SDK1: variants seen among roughly 807,000 people sequenced by gnomAD.
SDK1 encodes the protein sidekick cell adhesion molecule 1.
In SDK1, 157 loss-of-function variants were observed where a neutral mutation model predicts 245.5. That is an observed-to-expected ratio of 0.64 (90% CI 0.56 to 0.73). SDK1 has a LOEUF of 0.73. Among genes scored for constraint, SDK1 ranks in the 30% least tolerant of loss-of-function variants. The pLI, the probability that SDK1 is intolerant of heterozygous loss-of-function variation, is 0.00. For synonymous variants in SDK1, 1,647 were observed against 1,278.5 expected, an observed-to-expected ratio of 1.29 and a Z score of -6.15; for missense variants, 3,583 against 3,002.3, an observed-to-expected ratio of 1.19 and a Z score of -4.52.
chr7:3,652,142 C>T (rs1783030986), intron 4 of SDK1, among the ~76,000 whole-genome samples: 1 of 152,172 alleles, frequency 6.6e-6, no homozygotes, highest in South Asian at 2.1e-4. Context: ...GTGGAGACAG[C>T]AAGTTGAGAC....
chr7:3,855,093 G>T (rs117179178), intron 5 of SDK1, among the ~76,000 whole-genome samples: 1 of 151,992 alleles, frequency 6.6e-6, no homozygotes, highest in Non-Finnish European at 1.5e-5. Flanking sequence ...CTAAGAGAGA[G>T]GTCACTTTTC....
Position 4,210,170 on chromosome 7 carries a change from C to T in SDK1, c.5539+8C>T, listed in dbSNP as rs1238381859. The T allele has an allele frequency of 1.9e-6, 3 of 1,545,632 alleles. No homozygotes were observed. In the African/African-American group the frequency reaches 4.2e-5, roughly 21 times the overall value. On this transcript the variant is annotated splice_region_variant and intron_variant, in intron 38 of 44. Coordinates refer to ENST00000404826, the MANE Select transcript of SDK1 (RefSeq NM_152744.4). ...CCTTGGCCCCTGTACAAGGTAAGAC[C>T]CGGGGTTGGGGAGATGGGAGCGCGG...
At chr7:3,471,560 T>C (rs765921030) in intron 1 of SDK1, among the ~76,000 whole-genome samples, 1 of 152,150 alleles carries the variant, frequency 6.6e-6, no homozygotes, top group Admixed American at 6.5e-5. Context: ...CTTCACACCA[T>C]TTAGACGCAA....
At chr7:3,817,570 C>T (rs759559621) in intron 4 of SDK1, among the ~76,000 whole-genome samples, 9 of 152,124 alleles carry the variant, frequency 5.9e-5, no homozygotes, top group East Asian at 1.9e-4. Context: ...TCCAGGATTC[C>T]GACGTCAGTA....
At position 4,242,123 on chromosome 7, in the gene SDK1, G is replaced by A. The variant is rs74374523; in HGVS notation, c.6251+210G>A. Among the ~76,000 whole-genome samples the A allele has an allele frequency of 5.3e-3, 809 of 152,276 alleles. 3 individuals carry two copies. The highest frequency in any genetic ancestry group is 0.018 in the African/African-American group (768 of 41,572). ...GCAGAGCGGCTGGAAATATTTTCAG[G>A]ACATCTCCGGAGATTTAGAAAGAGG... On this transcript the variant is annotated intron_variant, in intron 43 of 44. Transcript: ENST00000404826.
chr7:3,361,098 A>C (rs1780939461), intron 1 of SDK1, among the ~76,000 whole-genome samples: 1 of 152,202 alleles, frequency 6.6e-6, no homozygotes, highest in African/African-American at 2.4e-5. Context: ...AATCATCTTA[A>C]ACACATACTA....
At chr7:3,900,745 C>G (rs1333710853) in intron 5 of SDK1, among the ~76,000 whole-genome samples, 1 of 151,992 alleles carries the variant, frequency 6.6e-6, no homozygotes, top group African/African-American at 2.4e-5. Context: ...CATTTCCCTC[C>G]CCTCTTTCCC....
intron 5 of SDK1, among the ~76,000 whole-genome samples, chr7:3,949,295 A>G (rs1209339817): frequency 2.0e-5 from 3 of 152,244 alleles, no homozygotes; most frequent in East Asian, 3.8e-4. Context: ...CTCTGTCTGC[A>G]TCAGGCTTCT....
chr7:4,149,674 G>A (rs1325866761), intron 30 of SDK1, among the ~76,000 whole-genome samples: 7 of 152,266 alleles, frequency 4.6e-5, no homozygotes, highest in East Asian at 1.9e-4. Context: ...GCCGCTTCCC[G>A]GAGTCTGCTC....
chr7:3,932,690 C>T (rs1398169919), intron 5 of SDK1, among the ~76,000 whole-genome samples: 1 of 152,166 alleles, frequency 6.6e-6, no homozygotes, highest in African/African-American at 2.4e-5. Flanking sequence ...AATTCCTCTC[C>T]AGTTGTGAAT....
chr7:3,987,763 C>T (rs766088804), intron 14 of SDK1, among the ~76,000 whole-genome samples: 1 of 152,156 alleles, frequency 6.6e-6, no homozygotes, highest in African/African-American at 2.4e-5. Context: ...TTCCAGGACC[C>T]CTCTGCCCAT....
chr7:3,323,284 A>G (rs959546903), intron 1 of SDK1, among the ~76,000 whole-genome samples: 3 of 152,154 alleles, frequency 2.0e-5, no homozygotes, highest in Non-Finnish European at 4.4e-5. Context: ...ACAGTACCTG[A>G]TGTCTGATGG....
intron 1 of SDK1, among the ~76,000 whole-genome samples, chr7:3,415,146 T>C (rs1779325050): frequency 6.6e-6 from 1 of 152,204 alleles, no homozygotes; most frequent in South Asian, 2.1e-4. Flanking sequence ...GTATCCAACT[T>C]TATATCATTT....
At chr7:3,470,648 A>C (rs527640498) in intron 1 of SDK1, among the ~76,000 whole-genome samples, 1 of 152,274 alleles carries the variant, frequency 6.6e-6, no homozygotes, top group East Asian at 1.9e-4. Context: ...GGAAAATCTT[A>C]CAAAGAGTTA....
chr7:3,369,292 C>T (rs567311539), intron 1 of SDK1, among the ~76,000 whole-genome samples: 7 of 152,124 alleles, frequency 4.6e-5, no homozygotes, highest in East Asian at 1.9e-4. Flanking sequence ...CCACCTGCCT[C>T]GGCCTCCCAA....
intron 1 of SDK1, among the ~76,000 whole-genome samples, chr7:3,614,089 T>C (rs1268990650): frequency 1.3e-5 from 2 of 152,166 alleles, no homozygotes; most frequent in Non-Finnish European, 2.9e-5. Flanking sequence ...AGTTTACCTA[T>C]GTAACAAACC....
intron 1 of SDK1, among the ~76,000 whole-genome samples, chr7:3,460,737 C>T (rs1214278306): frequency 3.3e-5 from 5 of 152,104 alleles, no homozygotes; most frequent in African/African-American, 1.2e-4. Flanking sequence ...CAGTTAAAAA[C>T]TTATTTTGGG....
chr7:3,806,768 A>C (rs955273139), intron 4 of SDK1, among the ~76,000 whole-genome samples: 2 of 150,272 alleles, frequency 1.3e-5, no homozygotes, highest in Non-Finnish European at 2.9e-5. Context: ...ATGGAAATGA[A>C]CTGCACAATC....
chr7:3,822,781 A>C (rs1346595936), intron 5 of SDK1, among the ~76,000 whole-genome samples: 1 of 152,036 alleles, frequency 6.6e-6, no homozygotes, highest in African/African-American at 2.4e-5. Context: ...AAAGAAAAAA[A>C]AAAAAAAGAA....
Sources: gnomAD v4.1 joint callset for allele counts (sites outside exome capture counted in the v4.1 genomes callset) on GRCh38, gnomAD v4.1.1 for gene constraint, MANE v1.5 for transcripts, NCBI Gene and HGNC (gene_info 2026-07-23, HGNC 2026-07-21) for gene names.